The following EXOC4 variants were observed in gnomAD, a reference collection of about 807,000 sequenced individuals.
EXOC4 encodes the protein exocyst complex component 4, also known as SEC8-like 1.
A neutral mutation model predicts 107.2 loss-of-function variants in EXOC4; 71 were observed. The observed-to-expected ratio is 0.66, with a 90% CI of 0.55 to 0.81. The LOEUF (loss-of-function observed/expected upper bound fraction) is 0.81, where lower values mean the gene tolerates loss of function less well. Ranked by LOEUF, EXOC4 falls within the 30% of genes least tolerant of loss-of-function variation. The pLI is 0.00. For synonymous variants in EXOC4, 456 were observed against 441.2 expected (o/e 1.03, Z -0.42); for missense variants, 1,108 against 1,189.6 (o/e 0.93, Z 1.01).
At chr7:133,929,593 C>T (rs971287414) in intron 13 of EXOC4, among the ~76,000 whole-genome samples, 3 of 151,940 alleles carry the variant, frequency 2.0e-5, no homozygotes, top group African/African-American at 7.3e-5. Context: ...ATTTTAGATT[C>T]AGGGGTGTGT....
At chr7:133,864,840 C>T (rs888042179) in intron 11 of EXOC4, among the ~76,000 whole-genome samples, 1 of 152,128 alleles carries the variant, frequency 6.6e-6, no homozygotes, top group Admixed American at 6.5e-5. Context: ...AGTCTGAGGG[C>T]TGAAACTCCA....
chr7:133,323,444 G>T (rs1263985837), intron 5 of EXOC4, among the ~76,000 whole-genome samples: 1 of 152,070 alleles, frequency 6.6e-6, no homozygotes, highest in Non-Finnish European at 1.5e-5. Flanking sequence ...TTTGTCAAAG[G>T]CCTTTCTGGA....
the EXOC4 span, among the ~76,000 whole-genome samples, chr7:134,090,246 G>A: frequency 6.6e-6 from 1 of 152,142 alleles, no homozygotes; most frequent in African/African-American, 2.4e-5. Flanking sequence ...CTGAACCCAG[G>A]CCACCATTGT....
intron 7 of EXOC4, among the ~76,000 whole-genome samples, chr7:133,376,196 A>G (rs761386297): frequency 2.0e-5 from 3 of 152,198 alleles, no homozygotes; most frequent in Non-Finnish European, 4.4e-5. Context: ...TACAGTGTAT[A>G]TGCTTTACTG....
At chr7:133,576,873 G>T (rs762396504) in intron 9 of EXOC4, 1 of 1,289,234 alleles carries the variant, frequency 7.8e-7, no homozygotes, top group Middle Eastern at 2.1e-4. Flanking sequence ...AATTCATCGG[G>T]TAATGTGTTT....
At chr7:133,448,341 A>G (rs1195252190) in intron 7 of EXOC4, among the ~76,000 whole-genome samples, 1 of 151,936 alleles carries the variant, frequency 6.6e-6, no homozygotes, top group African/African-American at 2.4e-5. Context: ...TCTGTCACCC[A>G]GACTGGAATA....
intron 7 of EXOC4, among the ~76,000 whole-genome samples, chr7:133,463,493 T>C (rs553630516): frequency 6.6e-6 from 1 of 152,092 alleles, no homozygotes; most frequent in East Asian, 1.9e-4. Context: ...AAGTATGATG[T>C]AAGAGGGATA....
At chr7:133,488,639 A>C (rs1799314324) in intron 9 of EXOC4, among the ~76,000 whole-genome samples, 1 of 152,174 alleles carries the variant, frequency 6.6e-6, no homozygotes, top group Admixed American at 6.5e-5. Flanking sequence ...TAGGGAAATA[A>C]ATTTCCAATA....
rs34995232 is a variant in EXOC4, at chr7:133,895,691, C to G, written c.1827C>G (p.Cys609Trp). Residue 609 changes from cysteine to tryptophan, a missense_variant, in exon 12 of 18, where the codon TGC becomes TGG. By Grantham distance (215) the Cys-to-Trp change is radical (BLOSUM62 -2). Coordinates refer to ENST00000253861, the MANE Select transcript of EXOC4 (RefSeq NM_021807.4). ...CAGATCAATTCCTCAACATGGTGTG[C>G]GTGAAGCTCCAGGAGTACAAGGACA... ...AYSDQFLNMV[C>W]VKLQEYKDTC... 6.2e-7 allele frequency: 1 copy of G among 1,614,086 alleles called. No individual in the cohort carries two copies. The highest frequency in any genetic ancestry group is 8.5e-7 in the Non-Finnish European group (1 of 1,179,980).
chr7:133,652,707 C>G (rs1029720233), intron 10 of EXOC4, among the ~76,000 whole-genome samples: 2 of 152,066 alleles, frequency 1.3e-5, no homozygotes, highest in East Asian at 3.9e-4. Flanking sequence ...TTAGGTGGCC[C>G]CCTTGGCCTT....
chr7:133,454,453 T>C (rs1183537752), intron 7 of EXOC4, among the ~76,000 whole-genome samples: 7 of 152,250 alleles, frequency 4.6e-5, no homozygotes, highest in Admixed American at 4.6e-4. Context: ...TGCGCCACCA[T>C]GCCTGGCTGG....
At position 133,959,705 on chromosome 7, in the gene EXOC4, GA is replaced by G. The variant is rs569317132; in HGVS notation, c.2206+21646del. On this transcript the variant is annotated intron_variant, in intron 14 of 17. Transcript: ENST00000253861. ...AAAGAAAACCCTACAACTGTCAGAA[GA>G]AAAAAAAAATAAAAGTTTTTCTAGA... Among the ~76,000 whole-genome samples the G allele has an allele frequency of 3.5e-3, 495 of 143,346 alleles. 1 individual carries two copies. Among genetic ancestry groups the G allele is most frequent in the African/African-American group, 0.012 (473 of 39,084 alleles). The allele number at this position is 143,346 out of a possible 152,430, so 94.0% of individuals were successfully genotyped here. A position where few individuals can be genotyped will look rare whatever the true frequency, so the allele number is the denominator to read the frequency against.
At position 133,340,371 on chromosome 7, in the gene EXOC4, C is replaced by T. The variant is rs149524861; in HGVS notation, c.764-15959C>T. 5.3e-4 allele frequency among the ~76,000 whole-genome samples: 79 copies of T among 149,208 alleles called. 3 individuals carry two copies. Among genetic ancestry groups the T allele is most frequent in the East Asian group, 3.1e-3 (16 of 5,142 alleles). The stretch of plus-strand genomic sequence containing the variant: ...CCCTTCTGTGAAGCCCACTTGATCA[C>T]GCTGGATTATCTTTTTGATATGCTG... On this transcript the variant is annotated intron_variant, in intron 5 of 17. Transcript: ENST00000253861.
intron 2 of EXOC4, among the ~76,000 whole-genome samples, chr7:133,282,397 TATC>T (rs1232559150): frequency 2.0e-4 from 31 of 152,370 alleles, no homozygotes; most frequent in Admixed American, 1.8e-3. Flanking sequence ...TCTGACTTGA[TATC>T]ATGGTTTGAA....
chr7:134,040,172 T>C (rs1795482669), intron 17 of EXOC4, among the ~76,000 whole-genome samples: 1 of 152,236 alleles, frequency 6.6e-6, no homozygotes, highest in African/African-American at 2.4e-5. Flanking sequence ...TCCTTTGTGA[T>C]GTAGATAGAC....
At chr7:133,722,996 T>C (rs997038268) in intron 10 of EXOC4, among the ~76,000 whole-genome samples, 3 of 152,252 alleles carry the variant, frequency 2.0e-5, no homozygotes, top group African/African-American at 7.2e-5. Context: ...AGAGAAAAAT[T>C]CCTCTATGAG....
intron 10 of EXOC4, among the ~76,000 whole-genome samples, chr7:133,667,907 CA>C: frequency 6.6e-6 from 1 of 152,092 alleles, no homozygotes; most frequent in Non-Finnish European, 1.5e-5. Flanking sequence ...ACTGTGCAAC[CA>C]AAAACTTTTT....
Position 134,064,412 on chromosome 7 carries a change from A to C in EXOC4, c.2809A>C (p.Thr937Pro), listed in dbSNP as rs749697208. 2.5e-6 allele frequency: 4 copies of C among 1,607,142 alleles called. No homozygotes were observed. Among genetic ancestry groups the C allele is most frequent in the Non-Finnish European group, 3.4e-6 (4 of 1,176,196 alleles). ...TCTGACCCTGCTGCACCGCAGCCAG[A>C]CTGGGGTGGGGGAACTGACCACCCA... ...HALTLLHRSQ[T>P]GVGELTTQNT... The change falls in exon 18 of 18, where the codon ACT becomes CCT. Residue 937 changes from threonine (T) to proline (P), a missense_variant. Thr to Pro is a conservative substitution (Grantham distance 38). Transcript: ENST00000253861.
intron 10 of EXOC4, among the ~76,000 whole-genome samples, chr7:133,652,048 G>A (rs533921321): frequency 2.6e-5 from 4 of 152,258 alleles, no homozygotes; most frequent in East Asian, 3.9e-4. Context: ...AGAAATAAAC[G>A]GGAAACCTGG....
Sources: allele counts gnomAD v4.1 joint callset (sites outside exome capture counted in the v4.1 genomes callset), GRCh38; gene constraint gnomAD v4.1.1; transcripts MANE v1.5; gene names NCBI Gene and HGNC (gene_info 2026-07-23, HGNC 2026-07-21).